The following AGAP1 variants were observed in gnomAD, a reference collection of about 807,000 sequenced individuals.
AGAP1 encodes the protein ArfGAP with GTPase domain, ankyrin repeat and PH domain 1.
AGAP1 carries 29 observed loss-of-function variants against 105.3 expected under a neutral mutation model. That is an observed-to-expected ratio of 0.28 (90% CI 0.21 to 0.38). The LOEUF (loss-of-function observed/expected upper bound fraction) is 0.38. AGAP1 is among the 10% of genes least tolerant of loss of function. The pLI is 1.00. For synonymous variants in AGAP1, 509 were observed against 485.9 expected (o/e 1.05, Z -0.63); for missense variants, 998 against 1,165.1 (o/e 0.86, Z 2.09).
In AGAP1 at chr2:235,752,352, C is replaced by T. The variant is rs184322984; in HGVS notation, c.673+1864C>T. On this transcript the variant is annotated intron_variant, in intron 6 of 17. Transcript: ENST00000304032. The surrounding 1 kb of genome is among the most constrained non-coding windows in gnomAD (Gnocchi z 4.3). ...GCTGCCACACCTGGCTAATTTTTTG[C>T]ATTTTAGTAGAGATGGGATTTTCAC... Among the ~76,000 whole-genome samples, 2 of 152,172 alleles carry T rather than the reference C, an allele frequency of 1.3e-5. No homozygotes were observed. The highest frequency in any genetic ancestry group is 1.3e-4 in the Admixed American group (2 of 15,282).
rs974099936 is a variant in AGAP1, at chr2:236,053,177, T to C, written c.2114+3896T>C. On this transcript the variant is annotated intron_variant, in intron 16 of 17. Coordinates refer to ENST00000304032, the MANE Select transcript of AGAP1 (RefSeq NM_001037131.3). The surrounding 1 kb of genome is among the most constrained non-coding windows in gnomAD (Gnocchi z 4.6). ...TTACTGTAAGGAGAAGTTGCCAAGCTCCTTGGTGACCCTTTCAAAGGCAAG... is the reference window on the plus strand; with the variant it reads ...TTACTGTAAGGAGAAGTTGCCAAGCCCCTTGGTGACCCTTTCAAAGGCAAG... 2.6e-5 allele frequency among the ~76,000 whole-genome samples: 4 copies of C among 152,194 alleles called. No homozygotes were observed. Among genetic ancestry groups the C allele is most frequent in the Admixed American group, 6.5e-5 (1 of 15,274 alleles).
intron 1 of AGAP1, among the ~76,000 whole-genome samples, chr2:235,667,026 G>A (rs931685018): frequency 1.3e-5 from 2 of 152,118 alleles, no homozygotes; most frequent in Non-Finnish European, 2.9e-5. Flanking sequence ...TTACAGACCT[G>A]GGTGACCTTT....
rs139140912 is a variant in AGAP1, at chr2:235,611,338, G to C, written c.164-97841G>C. Among the ~76,000 whole-genome samples the C allele has an allele frequency of 2.6e-3, 396 of 152,320 alleles. 2 individuals are homozygous for C. The highest frequency in any genetic ancestry group is 8.7e-3 in the African/African-American group (362 of 41,574). On this transcript the variant is annotated intron_variant, in intron 1 of 17. Transcript: ENST00000304032. The surrounding 1 kb of genome is among the most constrained non-coding windows in gnomAD (Gnocchi z 5.0). Reference sequence around the variant, plus strand: ...GCAAGCCCCTTGAGGTCAGGATGCTGCAACGAATATAATAGAAAATGATGT... The same window carrying C: ...GCAAGCCCCTTGAGGTCAGGATGCTCCAACGAATATAATAGAAAATGATGT...
Position 235,977,246 on chromosome 2 carries a change from G to C in AGAP1, c.1645+8623G>C, listed in dbSNP as rs1326299550. On this transcript the variant is annotated intron_variant, in intron 13 of 17. Coordinates refer to ENST00000304032, the MANE Select transcript of AGAP1 (RefSeq NM_001037131.3). The surrounding 1 kb of genome is among the most constrained non-coding windows in gnomAD (Gnocchi z 5.2). Reference sequence around the variant, plus strand: ...CGACTTTCATTAGAATCTAGGATCTGTCTTGAAGTCATTTTCTTGATGGTC... The same window carrying C: ...CGACTTTCATTAGAATCTAGGATCTCTCTTGAAGTCATTTTCTTGATGGTC... 1.3e-5 allele frequency among the ~76,000 whole-genome samples: 2 copies of C among 151,916 alleles called. No individual in the cohort carries two copies. The highest frequency in any genetic ancestry group is 2.9e-5 in the Non-Finnish European group (2 of 68,010).
At chr2:235,534,840 A>G (rs945197128) in intron 1 of AGAP1, among the ~76,000 whole-genome samples, 2 of 152,136 alleles carry the variant, frequency 1.3e-5, no homozygotes, top group African/African-American at 2.4e-5. Context: ...GTAGCAGTCT[A>G]CATCTTTAGC....
At position 235,751,259 on chromosome 2, in the gene AGAP1, T is replaced by C. The variant is rs963558700; in HGVS notation, c.673+771T>C. Among the ~76,000 whole-genome samples the C allele has an allele frequency of 2.0e-5, 3 of 152,174 alleles. No individual in the cohort carries two copies. The highest frequency in any genetic ancestry group is 4.8e-5 in the African/African-American group (2 of 41,444). On this transcript the variant is annotated intron_variant, in intron 6 of 17. Transcript: ENST00000304032. This position sits in a 1 kb window ranked among gnomAD's most constrained non-coding sequence, Gnocchi z 5.3. ...GACTGATACTTCTAAAGCCAGTCTT[T>C]TCAAGTTGGAAGCTTGGGAGAGGCA...
At chr2:235,588,429 C>G (rs1402252334) in intron 1 of AGAP1, among the ~76,000 whole-genome samples, 1 of 152,058 alleles carries the variant, frequency 6.6e-6, no homozygotes, top group African/African-American at 2.4e-5. Context: ...CGTCACCTTC[C>G]TCACCCTTGA....
Position 236,128,631 on chromosome 2 carries a change from T to C in AGAP1, c.*4509T>C, listed in dbSNP as rs6431427. Reference sequence around the variant, plus strand: ...AGCCTCCAATGTGCCGTAGGCGCTCTAGGTCCCCGTGGCGCCCAGGACACC... The same window carrying C: ...AGCCTCCAATGTGCCGTAGGCGCTCCAGGTCCCCGTGGCGCCCAGGACACC... On this transcript the variant is annotated 3_prime_UTR_variant, in exon 18 of 18. Coordinates refer to ENST00000304032, the MANE Select transcript of AGAP1 (RefSeq NM_001037131.3). The surrounding 1 kb of genome is among the most constrained non-coding windows in gnomAD (Gnocchi z 5.9). 0.43 allele frequency: 64,880 copies of C among 152,064 alleles called. 14,485 individuals carry two copies. Among genetic ancestry groups the C allele is most frequent in the African/African-American group, 0.52 (21,697 of 41,440 alleles). 9.4% of individuals were successfully genotyped at this position (152,064 alleles called of 1,614,324 possible).
chr2:235,920,217 A>ATACT (rs1256203379), intron 11 of AGAP1, among the ~76,000 whole-genome samples: 3 of 152,312 alleles, frequency 2.0e-5, no homozygotes, highest in African/African-American at 7.2e-5. Context: ...TTTAGAATAA[A>ATACT]TACTTACACT....
chr2:235,757,890 A>G (rs1403566808), intron 6 of AGAP1, among the ~76,000 whole-genome samples: 2 of 152,158 alleles, frequency 1.3e-5, no homozygotes, highest in Admixed American at 6.5e-5. Context: ...AATTGCACGC[A>G]CTAGAGCATC....
At chr2:235,974,971 C>T (rs574932383) in intron 13 of AGAP1, among the ~76,000 whole-genome samples, 3 of 152,216 alleles carry the variant, frequency 2.0e-5, no homozygotes, top group South Asian at 2.1e-4. Flanking sequence ...GCAGAATATT[C>T]GAGAAAGGCA....
At chr2:235,917,185 G>A (rs1176714192) in intron 11 of AGAP1, among the ~76,000 whole-genome samples, 1 of 151,842 alleles carries the variant, frequency 6.6e-6, no homozygotes, top group Non-Finnish European at 1.5e-5. Context: ...CCCTACTTGA[G>A]GCCCCCAGCG....
chr2:235,646,284 A>AAAT (rs1452689002), intron 1 of AGAP1, among the ~76,000 whole-genome samples: 1 of 151,846 alleles, frequency 6.6e-6, no homozygotes, highest in Non-Finnish European at 1.5e-5. Flanking sequence ...AAAAAAAAAA[A>AAAT]AAAGGTTGTT....
chr2:235,761,867 T>C (rs1035689858), intron 6 of AGAP1, among the ~76,000 whole-genome samples: 1 of 152,062 alleles, frequency 6.6e-6, no homozygotes, highest in Non-Finnish European at 1.5e-5. Context: ...CCCAGCACTT[T>C]GGGAGGCCGA....
chr2:235,656,493 G>C (rs1055082748), intron 1 of AGAP1, among the ~76,000 whole-genome samples: 4 of 152,024 alleles, frequency 2.6e-5, no homozygotes, highest in Non-Finnish European at 5.9e-5. Context: ...GCTCCACCCT[G>C]ACTCATTCCG....
chr2:235,991,189 A>G (rs993159351), intron 13 of AGAP1, among the ~76,000 whole-genome samples: 2 of 152,250 alleles, frequency 1.3e-5, no homozygotes, highest in African/African-American at 4.8e-5. Context: ...CTCTGGTAAT[A>G]TGACTGGAGA....
At chr2:235,972,101 A>G (rs1004266448) in intron 13 of AGAP1, among the ~76,000 whole-genome samples, 2 of 152,122 alleles carry the variant, frequency 1.3e-5, no homozygotes, top group Admixed American at 6.5e-5. Flanking sequence ...TGAGAATACT[A>G]TTCTATTATA....
intron 12 of AGAP1, among the ~76,000 whole-genome samples, chr2:235,955,742 A>G (rs1469811673): frequency 1.3e-5 from 2 of 152,182 alleles, no homozygotes; most frequent in East Asian, 3.9e-4. Flanking sequence ...GGACACCAAC[A>G]CACTTTTTCT....
At position 236,016,451 on chromosome 2, in the gene AGAP1, T is replaced by TA. The variant is rs535433485; in HGVS notation, c.1646-20101dup. Among the ~76,000 whole-genome samples, 28 of 147,812 alleles carry TA rather than the reference T, an allele frequency of 1.9e-4. 1 individual carries two copies. The South Asian group carries it at 4.3e-3, about 23-fold the overall frequency. ...AATTTGTTTATTGACTTCCAGCCTT[T>TA]AAAAAAAAATTGTGAGGTCTGGTTT... On this transcript the variant is annotated intron_variant, in intron 13 of 17. Transcript: ENST00000304032.
Sources: gnomAD v4.1 joint callset for allele counts (sites outside exome capture counted in the v4.1 genomes callset) on GRCh38, gnomAD v4.1.1 for gene constraint, Gnocchi (gnomAD v3.1) non-coding constraint, MANE v1.5 for transcripts, NCBI Gene and HGNC (gene_info 2026-07-23, HGNC 2026-07-21) for gene names.